GRM5: variants seen among roughly 807,000 people sequenced by gnomAD.
GRM5 encodes metabotropic glutamate receptor 5.
Under a neutral mutation model 83.1 loss-of-function variants are expected in GRM5, and 19 were observed. That is an observed-to-expected ratio of 0.23 (90% CI 0.16 to 0.34). GRM5 has a LOEUF of 0.34. GRM5 is among the 10% of genes least tolerant of loss of function. The pLI is 1.00. For missense variants in GRM5, 1,160 were observed against 1,588.3 expected, an observed-to-expected ratio of 0.73 and a Z score of 4.58; for synonymous variants, 675 against 633.6, an observed-to-expected ratio of 1.07 and a Z score of -0.98.
chr11:88,681,832 G>A (rs1003439513), intron 3 of GRM5, among the ~76,000 whole-genome samples: 1 of 151,652 alleles, frequency 6.6e-6, no homozygotes, highest in African/African-American at 2.4e-5. Flanking sequence ...GCCTCCCAAA[G>A]TGCTGACATT....
At chr11:88,826,243 C>T (rs1053893533) in intron 3 of GRM5, among the ~76,000 whole-genome samples, 1 of 151,994 alleles carries the variant, frequency 6.6e-6, no homozygotes, top group Non-Finnish European at 1.5e-5. Context: ...TCATCTAATA[C>T]AAGAAAGAGT....
In GRM5 at chr11:88,987,194, C is replaced by T. The variant is rs12049845; in HGVS notation, c.661+60018G>A. 2.9e-4 allele frequency among the ~76,000 whole-genome samples: 44 copies of T among 152,152 alleles called. 1 individual carries two copies. In the East Asian group the frequency reaches 7.2e-3, roughly 25 times the overall value. ...AAGCAGGGTGAGGCATTGCCTCACTCGGGAAGTGCAAGGGGTCAGGGATTT... is the reference window on the plus strand; with the variant it reads ...AAGCAGGGTGAGGCATTGCCTCACTTGGGAAGTGCAAGGGGTCAGGGATTT... On this transcript the variant is annotated intron_variant, in intron 2 of 9. Coordinates refer to ENST00000305447, the MANE Select transcript of GRM5 (RefSeq NM_001143831.3).
intron 2 of GRM5, among the ~76,000 whole-genome samples, chr11:88,906,696 A>C (rs573692208): frequency 3.3e-4 from 51 of 152,344 alleles, no homozygotes; most frequent in African/African-American, 1.1e-3. Context: ...AAAATAAGGC[A>C]TAAATTTTGA....
intron 7 of GRM5, among the ~76,000 whole-genome samples, chr11:88,568,315 T>A (rs1412390227): frequency 2.0e-5 from 3 of 152,182 alleles, no homozygotes; most frequent in Non-Finnish European, 2.9e-5. Context: ...TGAAGAGGTA[T>A]AACATGGGTT....
chr11:88,899,412 A>AT (rs1013057894), intron 2 of GRM5, among the ~76,000 whole-genome samples: 6 of 151,938 alleles, frequency 3.9e-5, no homozygotes, highest in African/African-American at 1.4e-4. Flanking sequence ...TGGAAGAAAA[A>AT]AATAGTGGAT....
chr11:88,632,270 A>G (rs1411012750), intron 4 of GRM5, among the ~76,000 whole-genome samples: 1 of 96,952 alleles, frequency 1.0e-5, no homozygotes, highest in South Asian at 3.3e-4. Context: ...TTTTTTTGGC[A>G]GGATCTAACT....
At chr11:88,987,955 C>T (rs2135039313) in intron 2 of GRM5, among the ~76,000 whole-genome samples, 1 of 151,038 alleles carries the variant, frequency 6.6e-6, no homozygotes, top group African/African-American at 2.5e-5. Flanking sequence ...CAGAGGGCCT[C>T]TCCTCCTCCA....
At chr11:88,592,904 C>T (rs1486501470) in intron 6 of GRM5, among the ~76,000 whole-genome samples, 1 of 152,086 alleles carries the variant, frequency 6.6e-6, no homozygotes, top group Admixed American at 6.5e-5. Context: ...GCCTTGACCT[C>T]CCCAGCCCAA....
chr11:88,920,805 G>A (rs941872538), intron 2 of GRM5, among the ~76,000 whole-genome samples: 10 of 152,132 alleles, frequency 6.6e-5, no homozygotes, highest in African/African-American at 2.4e-4. Context: ...GTGGTTTGCT[G>A]CACCTATCAA....
At chr11:89,051,931 A>C (rs537783207) in intron 1 of GRM5, among the ~76,000 whole-genome samples, 1 of 152,332 alleles carries the variant, frequency 6.6e-6, no homozygotes, top group South Asian at 2.1e-4. Context: ...AAGTGGTCAC[A>C]GTCAGATATA....
At chr11:89,039,305 T>C (rs1344362718) in intron 2 of GRM5, among the ~76,000 whole-genome samples, 4 of 151,442 alleles carry the variant, frequency 2.6e-5, no homozygotes, top group Non-Finnish European at 5.9e-5. Context: ...AAAGTGATTA[T>C]GTTTCAACTC....
At chr11:88,548,044 G>C (rs2135142537) in intron 8 of GRM5, among the ~76,000 whole-genome samples, 1 of 152,302 alleles carries the variant, frequency 6.6e-6, no homozygotes, top group African/African-American at 2.4e-5. Context: ...TGTGTGTCCA[G>C]GTGATTGAGA....
chr11:88,871,489 C>T (rs1038793542), intron 2 of GRM5, among the ~76,000 whole-genome samples: 1 of 151,510 alleles, frequency 6.6e-6, no homozygotes. Context: ...TGAAAGAAGG[C>T]AGCAAGACAT....
chr11:88,711,572 C>G lies in GRM5; in HGVS notation c.912-58169G>C, dbSNP rs74808097. On this transcript the variant is annotated intron_variant, in intron 3 of 9. Transcript: ENST00000305447. ...TGATTGCTTGAGTTGATGGCCTGTA[C>G]TAAGCACTTGTTGGCTAAGTAACCA... Among the ~76,000 whole-genome samples the G allele has an allele frequency of 5.7e-4, 87 of 152,170 alleles. 1 individual carries two copies. The East Asian group carries it at 0.017, about 29-fold the overall frequency.
At chr11:89,004,720 T>G (rs1940477325) in intron 2 of GRM5, among the ~76,000 whole-genome samples, 1 of 152,222 alleles carries the variant, frequency 6.6e-6, no homozygotes, top group African/African-American at 2.4e-5. Flanking sequence ...CTTATCTTAC[T>G]AAAAATTATT....
intron 3 of GRM5, among the ~76,000 whole-genome samples, chr11:88,757,405 G>T (rs956865521): frequency 1.3e-5 from 2 of 152,156 alleles, no homozygotes; most frequent in African/African-American, 4.8e-5. Context: ...TGCCATTGCA[G>T]TTGGAGCCTT....
At position 88,590,089 on chromosome 11, in the gene GRM5, T is replaced by C. The variant is rs560228634; in HGVS notation, c.1690+512A>G. On this transcript the variant is annotated intron_variant, in intron 7 of 9. Coordinates refer to ENST00000305447, the MANE Select transcript of GRM5 (RefSeq NM_001143831.3). The stretch of plus-strand genomic sequence containing the variant: ...ACAAAAAAGAAAAAAAATAAACAAG[T>C]AAAATCAAGTCTTTCCCTGTGCCAA... 6.6e-4 allele frequency among the ~76,000 whole-genome samples: 100 copies of C among 152,250 alleles called. 1 individual carries two copies. Among genetic ancestry groups the C allele is most frequent in the Middle Eastern group, 6.8e-3 (2 of 294 alleles).
At chr11:88,824,825 A>ATG (rs1189007905) in intron 3 of GRM5, among the ~76,000 whole-genome samples, 2 of 151,922 alleles carry the variant, frequency 1.3e-5, no homozygotes, top group African/African-American at 2.4e-5. Flanking sequence ...ACATATGGAT[A>ATG]TGTGTGTGTG....
At chr11:88,608,580 G>A (rs190654345) in intron 4 of GRM5, among the ~76,000 whole-genome samples, 105 of 146,416 alleles carry the variant, frequency 7.2e-4, no homozygotes, top group Admixed American at 1.8e-3. Flanking sequence ...GTGCAGTGGC[G>A]CGATATTGGC....
Sources: gnomAD v4.1 joint callset for allele counts (sites outside exome capture counted in the v4.1 genomes callset) on GRCh38, gnomAD v4.1.1 for gene constraint, MANE v1.5 for transcripts, NCBI Gene and HGNC (gene_info 2026-07-23, HGNC 2026-07-21) for gene names.